NAA11: variants seen among roughly 807,000 people sequenced by gnomAD.
NAA11 encodes the protein N-alpha-acetyltransferase 11, NatA catalytic subunit.
NAA11 carries 15 observed loss-of-function variants against 16.1 expected under a neutral mutation model. The ratio of observed to expected loss-of-function variants is 0.93; its 90% CI spans 0.62 to 1.44. The LOEUF (loss-of-function observed/expected upper bound fraction) is 1.44, where lower values mean the gene tolerates loss of function less well. Ranked by LOEUF, NAA11 falls within the 40% of genes most tolerant of loss-of-function variation. The pLI, the probability that NAA11 is intolerant of heterozygous loss-of-function variation, is 0.00. For missense variants in NAA11, 298 were observed against 291.3 expected (o/e 1.02, Z -0.17); for synonymous variants, 122 against 112.4 (o/e 1.09, Z -0.54).
chr4:79,257,139 CCTCT>C (rs1486320633), intron 2 of NAA11, among the ~76,000 whole-genome samples: 4 of 151,412 alleles, frequency 2.6e-5, no homozygotes, highest in Non-Finnish European at 5.9e-5. Context: ...TTGCATATGC[CCTCT>C]CTATTTTTCC....
chr4:79,280,093 A>G (rs1051609219), intron 2 of NAA11, among the ~76,000 whole-genome samples: 5 of 152,272 alleles, frequency 3.3e-5, no homozygotes, highest in Admixed American at 6.5e-5. Flanking sequence ...TAAAGGACCT[A>G]TAATATTTAC....
At chr4:79,299,600 T>G (rs1442402452) in intron 1 of NAA11, 1 of 152,224 alleles carries the variant, frequency 6.6e-6, no homozygotes, top group Non-Finnish European at 1.5e-5. Context: ...TTGGTATTTA[T>G]TATATATCAG....
chr4:79,321,730 A>G (rs1390288252), intron 1 of NAA11, among the ~76,000 whole-genome samples: 2 of 152,254 alleles, frequency 1.3e-5, no homozygotes, highest in Admixed American at 1.3e-4. Flanking sequence ...AAGGTATCTT[A>G]AATATCATTT....
downstream of NAA11, among the ~76,000 whole-genome samples, chr4:79,313,406 G>A (rs534814838): frequency 2.6e-5 from 4 of 152,284 alleles, no homozygotes; most frequent in East Asian, 1.9e-4. Context: ...GTTGGACTCC[G>A]CACTCTGTGT....
chr4:79,165,276 C>A, the NAA11 span, among the ~76,000 whole-genome samples: 1 of 152,180 alleles, frequency 6.6e-6, no homozygotes, highest in Non-Finnish European at 1.5e-5. Flanking sequence ...ATCACTCTGT[C>A]AACCACATCT....
chr4:79,291,528 C>T (rs1723085575), intron 2 of NAA11, among the ~76,000 whole-genome samples: 1 of 151,976 alleles, frequency 6.6e-6, no homozygotes, highest in African/African-American at 2.4e-5. Context: ...TGTTCGAGAC[C>T]AGCCTGACCA....
the NAA11 span, among the ~76,000 whole-genome samples, chr4:79,184,338 C>G: frequency 6.6e-6 from 1 of 152,116 alleles, no homozygotes; most frequent in South Asian, 2.1e-4. Context: ...TGCCTGGATT[C>G]TTTGGTAAGT....
intron 1 of NAA11, among the ~76,000 whole-genome samples, chr4:79,324,682 G>A (rs1383807411): frequency 6.6e-6 from 1 of 152,158 alleles, no homozygotes; most frequent in Non-Finnish European, 1.5e-5. Context: ...TTGTCTCCAC[G>A]TTTAGTGAAG....
the NAA11 span, among the ~76,000 whole-genome samples, chr4:79,160,279 A>G: frequency 6.6e-6 from 1 of 152,208 alleles, no homozygotes. Flanking sequence ...GGCATGAGCC[A>G]CCGTGCCCAG....
intron 2 of NAA11, among the ~76,000 whole-genome samples, chr4:79,281,664 T>C (rs1345079996): frequency 3.3e-5 from 5 of 152,226 alleles, no homozygotes; most frequent in East Asian, 1.9e-4. Flanking sequence ...TCTGATTACA[T>C]AGACAGTACT....
chr4:79,296,075 C>A (rs1324199242), intron 1 of NAA11, among the ~76,000 whole-genome samples: 2 of 152,050 alleles, frequency 1.3e-5, no homozygotes, highest in African/African-American at 2.4e-5. Context: ...TTCACTAAAC[C>A]AAATTCTTCC....
At chr4:79,243,799 A>G (rs1721745957) in intron 2 of NAA11, among the ~76,000 whole-genome samples, 1 of 152,190 alleles carries the variant, frequency 6.6e-6, no homozygotes, top group Non-Finnish European at 1.5e-5. Context: ...AAGAAAGGAA[A>G]GTTAACTTGG....
chr4:79,173,695 C>A, the NAA11 span, among the ~76,000 whole-genome samples: 1 of 151,908 alleles, frequency 6.6e-6, no homozygotes, highest in African/African-American at 2.4e-5. Context: ...TGGGGGAGAA[C>A]AACGGCTGGG....
At chr4:79,240,220 A>C (rs1721661111) in intron 2 of NAA11, among the ~76,000 whole-genome samples, 1 of 152,176 alleles carries the variant, frequency 6.6e-6, no homozygotes, top group Non-Finnish European at 1.5e-5. Flanking sequence ...TTCAAAGCAA[A>C]AGAAATGTAG....
downstream of NAA11, among the ~76,000 whole-genome samples, chr4:79,222,211 C>A (rs957474581): frequency 6.6e-6 from 1 of 152,080 alleles, no homozygotes; most frequent in Admixed American, 6.6e-5. Context: ...TCTGTGGGAT[C>A]GGTGGTGACA....
the NAA11 span, among the ~76,000 whole-genome samples, chr4:79,174,034 C>G: frequency 6.6e-6 from 1 of 152,108 alleles, no homozygotes; most frequent in South Asian, 2.1e-4. Context: ...TCCCCATTCA[C>G]TGACCTGTCA....
chr4:79,197,263 C>T, the NAA11 span, among the ~76,000 whole-genome samples: 5 of 151,714 alleles, frequency 3.3e-5, no homozygotes, highest in African/African-American at 1.2e-4. Context: ...ATTTTATTTC[C>T]ACAAACTTTG....
chr4:79,211,417 T>C, the NAA11 span, among the ~76,000 whole-genome samples: 2 of 152,194 alleles, frequency 1.3e-5, no homozygotes, highest in Admixed American at 1.3e-4. Context: ...ATATGGAATA[T>C]ATACCGTGTA....
At chr4:79,244,274 T>G (rs1043130697) in intron 2 of NAA11, among the ~76,000 whole-genome samples, 2 of 152,188 alleles carry the variant, frequency 1.3e-5, no homozygotes, top group Non-Finnish European at 2.9e-5. Flanking sequence ...CCTGCCCTGC[T>G]CATGCCTAAC....
Sources: allele counts gnomAD v4.1 joint callset (sites outside exome capture counted in the v4.1 genomes callset), GRCh38; gene constraint gnomAD v4.1.1; transcripts MANE v1.5; gene names NCBI Gene and HGNC (gene_info 2026-07-23, HGNC 2026-07-21).